Variants in CAMK2A observed in about 807,000 individuals in gnomAD.
The protein encoded by CAMK2A is calcium/calmodulin-dependent protein kinase type II subunit alpha.
Under a neutral mutation model 79.2 loss-of-function variants are expected in CAMK2A, and 7 were observed. That is an observed-to-expected ratio of 0.09 (90% CI 0.05 to 0.17). The LOEUF (loss-of-function observed/expected upper bound fraction) is 0.17. Among genes scored for constraint, CAMK2A ranks in the 10% least tolerant of loss-of-function variants. The probability of loss-of-function intolerance (pLI) is 1.00; values close to 1 mark genes in which losing one functional copy is unlikely to be tolerated. For synonymous variants in CAMK2A, 242 were observed against 251.7 expected, an observed-to-expected ratio of 0.96 and a Z score of 0.36; for missense variants, 214 against 646.4, an observed-to-expected ratio of 0.33 and a Z score of 7.25.
intron 1 of CAMK2A, among the ~76,000 whole-genome samples, chr5:150,285,921 T>C (rs10068882): frequency 0.21 from 31,913 of 152,038 alleles, 4,718 homozygotes; most frequent in African/African-American, 0.41. Context: ...TGGAAAAGGC[T>C]CGTTTTCCAC....
intron 1 of CAMK2A, among the ~76,000 whole-genome samples, chr5:150,286,853 G>C (rs1757444428): frequency 6.6e-6 from 1 of 152,222 alleles, no homozygotes; most frequent in Non-Finnish European, 1.5e-5. Flanking sequence ...CCCAGCCTTT[G>C]AGAACAACAA....
chr5:150,243,909 GA>G (rs1755451448), intron 13 of CAMK2A, among the ~76,000 whole-genome samples: 1 of 152,130 alleles, frequency 6.6e-6, no homozygotes, highest in African/African-American at 2.4e-5. Flanking sequence ...GAGAAGCCCA[GA>G]ACCATTTAAC....
chr5:150,251,707 G>C (rs956851148), intron 9 of CAMK2A, 43 bp downstream of exon 9: 1 of 1,433,868 alleles, frequency 7.0e-7, no homozygotes, highest in Non-Finnish European at 9.5e-7. Context: ...CACTGGAAGG[G>C]CACCAGAGGA....
At position 150,226,747 on chromosome 5, in the gene CAMK2A, G is replaced by A. The variant is rs993765371; in HGVS notation, c.1237+1445C>T. 2.5e-3 allele frequency among the ~76,000 whole-genome samples: 251 copies of A among 100,248 alleles called. 7 individuals carry two copies. Among genetic ancestry groups the A allele is most frequent in the African/African-American group, 8.5e-3 (213 of 24,944 alleles). The allele number at this position is 100,248 out of a possible 152,430, so 65.8% of individuals were successfully genotyped here. Reference sequence around the variant, plus strand: ...GAGACTCAGTCAAAAAAAAAAAAGGGGGGGGGGGGATTTTCCTGAATTGAT... The same window carrying A: ...GAGACTCAGTCAAAAAAAAAAAAGGAGGGGGGGGGATTTTCCTGAATTGAT... On this transcript the variant is annotated intron_variant, in intron 17 of 18. Transcript: ENST00000671881.
chr5:150,266,633 TG>T, intron 2 of CAMK2A, among the ~76,000 whole-genome samples: 1 of 152,140 alleles, frequency 6.6e-6, no homozygotes, highest in East Asian at 1.9e-4. Context: ...AATCCCGCAG[TG>T]AGCAGTGGAG....
intron 2 of CAMK2A, among the ~76,000 whole-genome samples, chr5:150,272,007 T>C (rs182017309): frequency 5.3e-5 from 8 of 152,326 alleles, no homozygotes; most frequent in Admixed American, 1.3e-4. Context: ...TAGAGTTATC[T>C]GGGCATCTTT....
At chr5:150,232,308 T>G (rs916794374) in intron 15 of CAMK2A, among the ~76,000 whole-genome samples, 2 of 151,474 alleles carry the variant, frequency 1.3e-5, no homozygotes, top group African/African-American at 4.8e-5. Flanking sequence ...TGGGGTGATG[T>G]GATGTACACA....
intron 6 of CAMK2A, among the ~76,000 whole-genome samples, chr5:150,253,750 C>T (rs1196614966): frequency 6.6e-6 from 1 of 152,220 alleles, no homozygotes; most frequent in African/African-American, 2.4e-5. Flanking sequence ...GACCTCCATC[C>T]GCTACAACAG....
At chr5:150,239,827 G>C in intron 13 of CAMK2A, 91 bp from the exon 14 acceptor site, 1 of 1,111,540 alleles carries the variant, frequency 9.0e-7, no homozygotes, top group South Asian at 1.2e-5. Flanking sequence ...TTTGGGAGGA[G>C]GATGGGCCTC....
chr5:150,250,873 G>C, intron 9 of CAMK2A, 63 bp from the exon 10 acceptor site: 1 of 1,581,624 alleles, frequency 6.3e-7, no homozygotes, highest in Non-Finnish European at 8.6e-7. Flanking sequence ...CGATCCCCCA[G>C]CCCCTGACTG....
intron 9 of CAMK2A, 29 bp downstream of exon 9, chr5:150,251,721 T>C (rs1368760150): frequency 2.6e-6 from 4 of 1,517,872 alleles, no homozygotes; most frequent in Non-Finnish European, 3.6e-6. Context: ...CAGAGGATGA[T>C]GGGAGCTGAA....
chr5:150,250,668 T>C lies in CAMK2A; in HGVS notation c.816+20A>G. ...GGTCTGGAGGGGCTCCTGGGAGAAG[T>C]CCTGCTGAGGAAGGCTCACCGAGAT... On this transcript the variant is annotated intron_variant, in intron 10 of 18. Transcript: ENST00000671881. The C allele has an allele frequency of 6.2e-7, 1 of 1,613,606 alleles. No homozygotes were observed. Among genetic ancestry groups the C allele is most frequent in the African/African-American group, 1.3e-5 (1 of 74,974 alleles).
chr5:150,238,592 G>T, intron 15 of CAMK2A, 108 bp downstream of exon 15: 1 of 1,085,604 alleles, frequency 9.2e-7, no homozygotes, highest in East Asian at 2.6e-5. Flanking sequence ...GCTCTCTGTA[G>T]ATGAGCAAGA....
upstream of CAMK2A, chr5:150,289,902 C>G (rs1757593854): frequency 6.0e-6 from 3 of 504,010 alleles, no homozygotes; most frequent in East Asian, 1.0e-4. Flanking sequence ...TGCCTGCCTT[C>G]CACTGCGAAA....
chr5:150,252,075 G>C lies in CAMK2A; in HGVS notation c.515-10C>G. The stretch of plus-strand genomic sequence containing the variant: ...GGAGTCCCTGCAAACCCTGCTCCCA[G>C]ACACACAGACAGGCAGACACATACA... On this transcript the variant is annotated splice_polypyrimidine_tract_variant and intron_variant, in intron 7 of 18. Coordinates refer to ENST00000671881, the MANE Select transcript of CAMK2A (RefSeq NM_015981.4). 1 of 1,605,004 alleles carries C rather than the reference G, an allele frequency of 6.2e-7. No homozygotes were observed. The highest frequency in any genetic ancestry group is 8.5e-7 in the Non-Finnish European group (1 of 1,172,196).
rs1420436174 is a variant in CAMK2A, at chr5:150,228,212, T to C, written c.1217A>G (p.His406Arg). 6.2e-7 allele frequency: 1 copy of C among 1,612,434 alleles called. No individual in the cohort carries two copies. The change falls in exon 17 of 19, where the codon CAT (histidine) becomes CGT (arginine). Residue 406 changes from histidine (H) to arginine (R), a missense_variant. His to Arg is a conservative substitution (Grantham distance 29). This residue lies in a region of CAMK2A where 123 missense variants were observed against 242.4 expected (regional missense o/e 0.51). Transcript: ENST00000671881. ...LGNLVEGLDF[H>R]RFYFENLWSR... ...CTCACGGTTTTCAAAATAGAATCGA[T>C]GGAAGTCCAGGCCCTCAACCAGGTT...
In CAMK2A at chr5:150,257,531, G is replaced by A. The variant is rs181295584; in HGVS notation, c.272+32C>T. 4.0e-4 allele frequency: 627 copies of A among 1,549,196 alleles called. 1 individual carries two copies. The African/African-American group carries it at 7.5e-3, about 19-fold the overall frequency. On this transcript the variant is annotated intron_variant, in intron 4 of 18. Transcript: ENST00000671881. ...TCACTGGTTAGGCAGCCCCAACACC[G>A]TTGGCGCATCCCAGGGCGGGGCCAA...
chr5:150,259,008 C>A (rs112016592), intron 3 of CAMK2A, among the ~76,000 whole-genome samples: 1 of 151,792 alleles, frequency 6.6e-6, no homozygotes, highest in Non-Finnish European at 1.5e-5. Context: ...GGTGAAACCC[C>A]ATCTCTACTA....
chr5:150,255,293 C>G (rs1000409834), intron 6 of CAMK2A, among the ~76,000 whole-genome samples: 1 of 152,232 alleles, frequency 6.6e-6, no homozygotes, highest in Non-Finnish European at 1.5e-5. Flanking sequence ...GACTGAGCCA[C>G]AGGGAGCTTG....
Sources: allele counts gnomAD v4.1 joint callset (sites outside exome capture counted in the v4.1 genomes callset), GRCh38; gene constraint gnomAD v4.1.1; regional missense constraint gnomAD v4.1.1; transcripts MANE v1.5; gene names NCBI Gene and HGNC (gene_info 2026-07-23, HGNC 2026-07-21).